The following MED31 variants were observed in gnomAD, a reference collection of about 807,000 sequenced individuals.
MED31 encodes mediator complex subunit 31, also known as mediator of RNA polymerase II transcription subunit 31.
Under a neutral mutation model 22.0 loss-of-function variants are expected in MED31, and 11 were observed. The observed-to-expected ratio is 0.50, with a 90% CI of 0.31 to 0.83. MED31 has a LOEUF of 0.83. Among genes scored for constraint, MED31 ranks in the 40% least tolerant of loss-of-function variants. The pLI is 0.04. For synonymous variants in MED31, 60 were observed against 55.1 expected (o/e 1.09, Z -0.40); for missense variants, 122 against 155.3 (o/e 0.79, Z 1.14).
chr17:6,649,952 C>T (rs1972811577), intron 3 of MED31, 30 bp downstream of exon 3: 2 of 1,549,408 alleles, frequency 1.3e-6, no homozygotes, highest in East Asian at 4.6e-5. Flanking sequence ...AAAGTATACA[C>T]ATGCTTAGGA....
intron 3 of MED31, 130 bp downstream of exon 3, chr17:6,649,852 G>A: frequency 1.1e-6 from 1 of 893,108 alleles, no homozygotes; most frequent in South Asian, 2.5e-5. Flanking sequence ...AGATGAGGGT[G>A]TCTTGTATTA....
rs988045563 is a variant in MED31 at position 6,644,425 on chromosome 17, C to T, written c.*42G>A. On this transcript the variant is annotated 3_prime_UTR_variant, in exon 4 of 4. Transcript: ENST00000225728. ...TTGTCTTCACTGTACAAAAGAAATA[C>T]ATTATATACATGTATTAAGTGCCTC... The T allele has an allele frequency of 1.3e-6, 2 of 1,521,298 alleles. No individual in the cohort carries two copies. Among genetic ancestry groups the T allele is most frequent in the Non-Finnish European group, 1.8e-6 (2 of 1,138,712 alleles). The allele number at this position is 1,521,298 out of a possible 1,614,324, so 94.2% of individuals were successfully genotyped here. A position where few individuals can be genotyped will look rare whatever the true frequency, so the allele number is the denominator to read the frequency against.
intron 1 of MED31, among the ~76,000 whole-genome samples, chr17:6,650,687 C>T (rs1023450664): frequency 2.6e-5 from 4 of 152,198 alleles, no homozygotes; most frequent in Non-Finnish European, 5.9e-5. Flanking sequence ...AGAATTCCTA[C>T]CACTCGTGGG....
rs1597631034 is a variant in MED31 at position 6,643,703 on chromosome 17, CTTCTATAAACAAGGTTCTTA to C, written c.*744_*763del. 1 of 157,614 alleles carries C rather than the reference CTTCTATAAACAAGGTTCTTA, an allele frequency of 6.3e-6. No homozygotes were observed. Among genetic ancestry groups the C allele is most frequent in the East Asian group, 1.8e-4 (1 of 5,456 alleles). 9.8% of individuals were successfully genotyped at this position (157,614 alleles called of 1,614,324 possible). On this transcript the variant is annotated 3_prime_UTR_variant, in exon 4 of 4. Coordinates refer to ENST00000225728, the MANE Select transcript of MED31 (RefSeq NM_016060.3). ...CACCCCGTCCAAACCTCAGTTTTCT[CTTCTATAAACAAGGTTCTTA>C]GAATAAAATGAGAATTCAAGGAAGC...
At position 6,644,490 on chromosome 17, in the gene MED31, G is replaced by C; in HGVS notation, c.373C>G (p.Gln125Glu). 6.2e-7 allele frequency: 1 copy of C among 1,603,952 alleles called. No individual in the cohort carries two copies. The highest frequency in any genetic ancestry group is 8.5e-7 in the Non-Finnish European group (1 of 1,176,292). ...LQQALAEQQQ[Q>E]NNTSGK is the part of the protein sequence containing the mutation. ...TTTCATTTTCCCGATGTGTTATTTTGCTGTTGCTGCTCTGCCAAGGCTTGC... is the reference window on the plus strand; with the variant it reads ...TTTCATTTTCCCGATGTGTTATTTTCCTGTTGCTGCTCTGCCAAGGCTTGC... The change falls in exon 4 of 4, where the codon CAA becomes GAA. Residue 125 changes from glutamine to glutamate, a missense_variant. Physicochemically the swap from Gln to Glu is conservative, Grantham distance 29. Coordinates refer to ENST00000225728, the MANE Select transcript of MED31 (RefSeq NM_016060.3).
chr17:6,651,099 C>G (rs984943861), intron 1 of MED31, among the ~76,000 whole-genome samples: 6 of 69,604 alleles, frequency 8.6e-5, no homozygotes, highest in Non-Finnish European at 1.7e-4. Flanking sequence ...CCAGCCTGGG[C>G]GACAGAGCCA....
chr17:6,650,746 C>T (rs760056223), intron 1 of MED31, among the ~76,000 whole-genome samples: 34 of 152,286 alleles, frequency 2.2e-4, no homozygotes, highest in Non-Finnish European at 4.3e-4. Context: ...GCTGTAATAA[C>T]TGTGGCTTCC....
chr17:6,644,804 TC>T (rs1471292063), intron 3 of MED31, 145 bp from the exon 4 acceptor site: 3 of 990,722 alleles, frequency 3.0e-6, no homozygotes, highest in Non-Finnish European at 4.0e-6. Flanking sequence ...TAGGGTTTTT[TC>T]CCCGATTAGT....
intron 3 of MED31, 83 bp from the exon 4 acceptor site, chr17:6,644,742 G>C: frequency 7.1e-7 from 1 of 1,402,990 alleles, no homozygotes; most frequent in Non-Finnish European, 9.4e-7. Flanking sequence ...TCTTAAAAAC[G>C]ATCTTGTAGC....
In MED31 at chr17:6,651,279, A is replaced by T. The variant is rs113884209; in HGVS notation, c.28+222T>A. 1,785 of 586,962 alleles carry T rather than the reference A, an allele frequency of 3.0e-3. 23 individuals are homozygous for T. The highest frequency in any genetic ancestry group is 0.029 in the African/African-American group (1,541 of 53,590). The allele number at this position is 586,962 out of a possible 1,614,324, so 36.4% of individuals were successfully genotyped here. ...TCCCTTAGTCTCACCCACGCCAGGG[A>T]GCTGGTGGGGTGGTGTCTGAATAGC... On this transcript the variant is annotated intron_variant, in intron 1 of 3. Coordinates refer to ENST00000225728, the MANE Select transcript of MED31 (RefSeq NM_016060.3).
rs992189138 is a variant in MED31 at position 6,644,110 on chromosome 17, C to T, written c.*357G>A. ...GGTTCCAGGAGATGGTCTTGCCCTA[C>T]TATATGTCAGGAACAGCTAGCCTTA... On this transcript the variant is annotated 3_prime_UTR_variant, in exon 4 of 4. Coordinates refer to ENST00000225728, the MANE Select transcript of MED31 (RefSeq NM_016060.3). 80 of 415,222 alleles carry T rather than the reference C, an allele frequency of 1.9e-4. No individual in the cohort carries two copies. Among genetic ancestry groups the T allele is most frequent in the Non-Finnish European group, 3.0e-4 (70 of 235,386 alleles). 25.7% of individuals were successfully genotyped at this position (415,222 alleles called of 1,614,324 possible).
At chr17:6,646,368 T>G (rs1223353650) in intron 3 of MED31, among the ~76,000 whole-genome samples, 1 of 152,216 alleles carries the variant, frequency 6.6e-6, no homozygotes, top group Admixed American at 6.5e-5. Context: ...TTAAAATACA[T>G]TAACATATAG....
At chr17:6,648,945 A>G (rs1972796238) in intron 3 of MED31, among the ~76,000 whole-genome samples, 1 of 152,226 alleles carries the variant, frequency 6.6e-6, no homozygotes, top group South Asian at 2.1e-4. Context: ...CTACATACAT[A>G]CAATATTCGT....
chr17:6,651,119 T>TTAAAAAAAA (rs1172124634), intron 1 of MED31, among the ~76,000 whole-genome samples: 1 of 13,976 alleles, frequency 7.2e-5, no homozygotes, highest in Non-Finnish European at 1.1e-4. Flanking sequence ...AGACGCTGTC[T>TTAAAAAAAA]CAAAAAAAAA....
rs1012587341 is a variant in MED31 at position 6,643,934 on chromosome 17, C to T, written c.*533G>A. On this transcript the variant is annotated 3_prime_UTR_variant, in exon 4 of 4. Coordinates refer to ENST00000225728, the MANE Select transcript of MED31 (RefSeq NM_016060.3). Reference sequence around the variant, plus strand: ...GTGATTCAGTGATTCTTAAAGCCACCTTGCAAAGCAGGTAATACAGTTATT... The same window carrying T: ...GTGATTCAGTGATTCTTAAAGCCACTTTGCAAAGCAGGTAATACAGTTATT... 1 of 394,558 alleles carries T rather than the reference C, an allele frequency of 2.5e-6. No homozygotes were observed. Among genetic ancestry groups the T allele is most frequent in the Non-Finnish European group, 4.5e-6 (1 of 223,870 alleles). 24.4% of individuals were successfully genotyped at this position (394,558 alleles called of 1,614,324 possible).
chr17:6,650,506 G>A, intron 1 of MED31, 73 bp from the exon 2 acceptor site: 1 of 1,383,140 alleles, frequency 7.2e-7, no homozygotes, highest in Middle Eastern at 1.8e-4. Flanking sequence ...AGTAAGGAAA[G>A]AGCAATAAAG....
Position 6,647,676 on chromosome 17 carries a change from G to A in MED31, c.203+2306C>T, listed in dbSNP as rs903035197. Among the ~76,000 whole-genome samples the A allele has an allele frequency of 5.9e-5, 9 of 152,294 alleles. No homozygotes were observed. In the East Asian group the frequency reaches 1.2e-3, roughly 20 times the overall value. On this transcript the variant is annotated intron_variant, in intron 3 of 3. Coordinates refer to ENST00000225728, the MANE Select transcript of MED31 (RefSeq NM_016060.3). The stretch of plus-strand genomic sequence containing the variant: ...AAATACACAGTTGCTCTAATTGTTG[G>A]CTGCTTATGCTAGAATGCTCTATTC...
Position 6,644,664 on chromosome 17 carries a change from G to C in MED31, c.204-5C>G, listed in dbSNP as rs1567601861. On this transcript the variant is annotated splice_region_variant and splice_polypyrimidine_tract_variant and intron_variant, in intron 3 of 3. Transcript: ENST00000225728. Reference sequence around the variant, plus strand: ...ATGTGTAAACACTGAGGGTACCTGGGTTTAAGTTTGTAAGTGAATGAACAA... The same window carrying C: ...ATGTGTAAACACTGAGGGTACCTGGCTTTAAGTTTGTAAGTGAATGAACAA... 1.2e-5 allele frequency: 19 copies of C among 1,554,246 alleles called. No individual in the cohort carries two copies. The East Asian group carries it at 4.4e-4, about 36-fold the overall frequency.
In MED31 at chr17:6,651,120, C is replaced by CAAAAAAA. The variant is rs57965628; in HGVS notation, c.28+374_28+380dup. Among the ~76,000 whole-genome samples the CAAAAAAA allele has an allele frequency of 2.1e-3, 102 of 48,958 alleles. 3 individuals carry two copies. Among genetic ancestry groups the CAAAAAAA allele is most frequent in the East Asian group, 6.8e-3 (14 of 2,052 alleles). 32.1% of individuals were successfully genotyped at this position (48,958 alleles called of 152,430 possible). On this transcript the variant is annotated intron_variant, in intron 1 of 3. Transcript: ENST00000225728. The stretch of plus-strand genomic sequence containing the variant: ...TGGGCGACAGAGCCAGACGCTGTCT[C>CAAAAAAA]AAAAAAAAAAAAAAAAAGAAGCACC...
Sources: allele counts gnomAD v4.1 joint callset (sites outside exome capture counted in the v4.1 genomes callset), GRCh38; gene constraint gnomAD v4.1.1; transcripts MANE v1.5; gene names NCBI Gene and HGNC (gene_info 2026-07-23, HGNC 2026-07-21).